The following AKR1B15 variants were observed in gnomAD, a reference collection of about 807,000 sequenced individuals.
AKR1B15 encodes estradiol 17-beta-dehydrogenase AKR1B15.
A neutral mutation model predicts 38.5 loss-of-function variants in AKR1B15; 49 were observed. That is an observed-to-expected ratio of 1.27 (90% CI 1.01 to 1.62). The LOEUF (loss-of-function observed/expected upper bound fraction) is 1.62, where lower values mean the gene tolerates loss of function less well. Ranked by LOEUF, AKR1B15 falls within the 40% of genes most tolerant of loss-of-function variation. The pLI is 0.00. For missense variants in AKR1B15, 411 were observed against 381.6 expected (o/e 1.08, Z -0.64); for synonymous variants, 137 against 135.5 (o/e 1.01, Z -0.08).
chr7:134,565,200 C>G, intron 3 of AKR1B15: 1 of 418,314 alleles, frequency 2.4e-6, no homozygotes, highest in Non-Finnish European at 4.3e-6. Flanking sequence ...CTCTTTGGGT[C>G]CACACCACCT....
At chr7:134,565,286 G>A in intron 3 of AKR1B15, 1 of 867,178 alleles carries the variant, frequency 1.2e-6, no homozygotes, top group Non-Finnish European at 1.7e-6. Context: ...CCCACCAGAA[G>A]GGAGAAACTC....
intron 1 of AKR1B15, among the ~76,000 whole-genome samples, chr7:134,549,604 C>CTT (rs1228980793): frequency 2.6e-5 from 4 of 152,100 alleles, no homozygotes; most frequent in African/African-American, 7.2e-5. Context: ...CCTCATAAGG[C>CTT]TTAGGGCGGC....
intron 6 of AKR1B15, 85 bp downstream of exon 6, chr7:134,571,766 G>T: frequency 9.7e-7 from 1 of 1,033,310 alleles, no homozygotes; most frequent in East Asian, 2.4e-5. Flanking sequence ...GAGGCCATGT[G>T]CCTGATGCTT....
intron 5 of AKR1B15, chr7:134,569,869 A>G (rs1794630549): frequency 4.0e-6 from 1 of 248,946 alleles, no homozygotes; most frequent in African/African-American, 2.2e-5. Flanking sequence ...GATTGCATTA[A>G]CTGCACAAAT....
At chr7:134,575,253 A>T (rs1044877126) in intron 6 of AKR1B15, among the ~76,000 whole-genome samples, 167 bp from the exon 7 acceptor site, 3 of 152,190 alleles carry the variant, frequency 2.0e-5, no homozygotes, top group African/African-American at 7.2e-5. Flanking sequence ...GGCTGGAACC[A>T]ATCACTGATG....
At chr7:134,567,687 G>T (rs1365546263) in intron 3 of AKR1B15, among the ~76,000 whole-genome samples, 1 of 152,126 alleles carries the variant, frequency 6.6e-6, no homozygotes, top group East Asian at 1.9e-4. Flanking sequence ...TGGGGAAATT[G>T]TCTGAAAATC....
In AKR1B15 at chr7:134,568,299, C is replaced by T. The variant is rs373958065; in HGVS notation, c.292C>T (p.Arg98Trp). Residue 98 changes from arginine (R) to tryptophan (W), a missense_variant, in exon 4 of 12, where the codon CGG becomes TGG. Around this residue, in one of 3 missense-constraint regions of AKR1B15, gnomAD observed 254 missense variants for 212.4 expected, o/e 1.20. Coordinates refer to ENST00000457545, the MANE Select transcript of AKR1B15 (RefSeq NM_001080538.3). ...QEKIQEKAVM[R>W]EDLFIVSKVW... ...GAAGATCCAAGAGAAGGCTGTGATG[C>T]GGGAGGACCTGTTCATCGTCAGCAA... 117 of 1,613,894 alleles carry T rather than the reference C, an allele frequency of 7.2e-5. No individual in the cohort carries two copies. The African/African-American group carries it at 7.5e-4, about 10-fold the overall frequency.
intron 11 of AKR1B15, among the ~76,000 whole-genome samples, chr7:134,578,334 T>A (rs1357337503): frequency 3.3e-5 from 5 of 152,258 alleles, no homozygotes; most frequent in Non-Finnish European, 4.4e-5. Context: ...GGATATGCCA[T>A]ATGTATATTT....
At position 134,574,401 on chromosome 7, in the gene AKR1B15, G is replaced by C. The variant is rs558513984; in HGVS notation, c.514-1019G>C. ...TTGTTTGTTTGTTTTTTGAGGCCCA[G>C]CTTATACTCTACCTGAAAGGACTCC... On this transcript the variant is annotated intron_variant, in intron 6 of 11. Coordinates refer to ENST00000457545, the MANE Select transcript of AKR1B15 (RefSeq NM_001080538.3). Among the ~76,000 whole-genome samples, 27 of 152,068 alleles carry C rather than the reference G, an allele frequency of 1.8e-4. No individual in the cohort carries two copies. In the South Asian group the frequency reaches 5.6e-3, roughly 32 times the overall value.
intron 5 of AKR1B15, among the ~76,000 whole-genome samples, chr7:134,570,820 TCACA>T (rs1794652770): frequency 6.6e-6 from 1 of 152,098 alleles, no homozygotes; most frequent in African/African-American, 2.4e-5. Context: ...GCTGAGGTGC[TCACA>T]TGCCTGGGTT....
At chr7:134,550,925 T>C (rs969238525) in intron 1 of AKR1B15, among the ~76,000 whole-genome samples, 4 of 152,180 alleles carry the variant, frequency 2.6e-5, no homozygotes, top group African/African-American at 7.2e-5. Context: ...TGGGTCGTTG[T>C]TGGAACTCCC....
At chr7:134,558,885 G>A (rs1329792924) in intron 2 of AKR1B15, among the ~76,000 whole-genome samples, 1 of 152,134 alleles carries the variant, frequency 6.6e-6, no homozygotes, top group African/African-American at 2.4e-5. Flanking sequence ...TTGGCCTTGA[G>A]ACCATGTTCT....
chr7:134,551,187 T>G (rs1366416939), intron 1 of AKR1B15, among the ~76,000 whole-genome samples: 1 of 152,152 alleles, frequency 6.6e-6, no homozygotes, highest in Non-Finnish European at 1.5e-5. Flanking sequence ...CCCCAGAATC[T>G]TCCCTTGTCT....
intron 2 of AKR1B15, among the ~76,000 whole-genome samples, chr7:134,562,825 T>C (rs559575583): frequency 2.0e-5 from 3 of 150,216 alleles, no homozygotes; most frequent in Non-Finnish European, 2.9e-5. Flanking sequence ...TCTTCCTTCC[T>C]TCCTTTCTCT....
intron 3 of AKR1B15, chr7:134,565,444 T>A: frequency 2.5e-6 from 4 of 1,612,234 alleles, no homozygotes; most frequent in Non-Finnish European, 3.4e-6. Flanking sequence ...GACGTGAGAC[T>A]TCTACCTGCT....
At chr7:134,573,366 C>A (rs1376174591) in intron 6 of AKR1B15, 1 of 985,186 alleles carries the variant, frequency 1.0e-6, no homozygotes, top group African/African-American at 1.7e-5. Flanking sequence ...TTTGCCTTAG[C>A]TCCTATGATG....
intron 1 of AKR1B15, among the ~76,000 whole-genome samples, chr7:134,553,728 C>T (rs796442903): frequency 1.3e-5 from 2 of 152,202 alleles, no homozygotes; most frequent in Non-Finnish European, 2.9e-5. Flanking sequence ...TACCTTGTTC[C>T]CTGATCCAGA....
intron 6 of AKR1B15, 107 bp downstream of exon 6, chr7:134,571,788 C>T (rs1468108768): frequency 3.4e-6 from 3 of 875,964 alleles, no homozygotes; most frequent in Non-Finnish European, 5.5e-6. Flanking sequence ...CTAATTTCAT[C>T]ATTGTGATTC....
At chr7:134,556,604 C>T (rs1488643791) in intron 1 of AKR1B15, 132 bp from the exon 2 acceptor site, 1 of 152,214 alleles carries the variant, frequency 6.6e-6, no homozygotes, top group Admixed American at 6.5e-5. Context: ...GCATTTCAGG[C>T]CTCACTCGCT....
Sources: gnomAD v4.1 joint callset for allele counts (sites outside exome capture counted in the v4.1 genomes callset) on GRCh38, gnomAD v4.1.1 for gene constraint, gnomAD v4.1.1 regional missense constraint, MANE v1.5 for transcripts, NCBI Gene and HGNC (gene_info 2026-07-23, HGNC 2026-07-21) for gene names.